SPAG16: variants seen among roughly 807,000 people sequenced by gnomAD.
The protein encoded by SPAG16 is sperm associated antigen 16, also known as sperm-associated antigen 16 protein.
A neutral mutation model predicts 80.4 loss-of-function variants in SPAG16; 86 were observed. The observed-to-expected ratio is 1.07, with a 90% CI of 0.90 to 1.28. The LOEUF (loss-of-function observed/expected upper bound fraction) is 1.28. Among genes scored for constraint, SPAG16 ranks in the 50% most tolerant of loss-of-function variants. The pLI, the probability that SPAG16 is intolerant of heterozygous loss-of-function variation, is 0.00. For synonymous variants in SPAG16, 294 were observed against 265.9 expected, an observed-to-expected ratio of 1.11 and a Z score of -1.03; for missense variants, 870 against 765.3, an observed-to-expected ratio of 1.14 and a Z score of -1.61.
At chr2:213,663,963 T>G (rs1253721246) in intron 10 of SPAG16, among the ~76,000 whole-genome samples, 1 of 152,104 alleles carries the variant, frequency 6.6e-6, no homozygotes, top group East Asian at 1.9e-4. Flanking sequence ...CAGCACAAAT[T>G]TATTATCTTA....
At chr2:214,119,733 C>T (rs539732994) in intron 14 of SPAG16, among the ~76,000 whole-genome samples, 133 of 152,022 alleles carry the variant, frequency 8.7e-4, no homozygotes, top group African/African-American at 3.1e-3. Flanking sequence ...CTTTTCTCTC[C>T]TTCCTGCAGG....
At position 214,149,096 on chromosome 2, in the gene SPAG16, T is replaced by TATATATATAC. The variant is rs3043764; in HGVS notation, c.1594-43_1594-42insTATATATACA. The TATATATATAC allele has an allele frequency of 5.2e-4, 390 of 749,996 alleles. 2 individuals are homozygous for TATATATATAC. The East Asian group carries it at 7.8e-3, about 15-fold the overall frequency. 46.5% of individuals were successfully genotyped at this position (749,996 alleles called of 1,614,324 possible). A position where few individuals can be genotyped will look rare whatever the true frequency, so the allele number is the denominator to read the frequency against. On this transcript the variant is annotated intron_variant, in intron 14 of 15. Coordinates refer to ENST00000331683, the MANE Select transcript of SPAG16 (RefSeq NM_024532.5). ...GTGTGTGTATATATATATATATATA[T>TATATATATAC]ACATACATACACATTTTATTTTTGT...
chr2:213,422,158 G>A, intron 9 of SPAG16: 1 of 700,048 alleles, frequency 1.4e-6, no homozygotes, highest in Non-Finnish European at 2.6e-6. Flanking sequence ...GGAGAGAAGA[G>A]CTGTGGCCCT....
At chr2:213,998,950 G>A (rs2046657917) in intron 12 of SPAG16, among the ~76,000 whole-genome samples, 1 of 152,172 alleles carries the variant, frequency 6.6e-6, no homozygotes, top group Non-Finnish European at 1.5e-5. Flanking sequence ...TAAAACTCAA[G>A]CGATGACTTG....
At chr2:213,442,777 C>A (rs1016025394) in intron 9 of SPAG16, among the ~76,000 whole-genome samples, 6 of 152,082 alleles carry the variant, frequency 3.9e-5, no homozygotes, top group Non-Finnish European at 8.8e-5. Flanking sequence ...AAATGGATCA[C>A]AGACTTAAAT....
intron 15 of SPAG16, among the ~76,000 whole-genome samples, chr2:214,228,109 T>C (rs1352233378): frequency 6.6e-6 from 1 of 151,984 alleles, no homozygotes; most frequent in African/African-American, 2.4e-5. Context: ...GCATTCCAAT[T>C]AGTAGAGTGG....
intron 12 of SPAG16, among the ~76,000 whole-genome samples, chr2:214,006,851 T>G (rs562696177): frequency 6.6e-6 from 1 of 152,354 alleles, no homozygotes; most frequent in Admixed American, 6.5e-5. Context: ...TCTTGAGCAG[T>G]ACTTTCTTCC....
intron 11 of SPAG16, among the ~76,000 whole-genome samples, chr2:213,909,283 G>C (rs1444520046): frequency 6.6e-6 from 1 of 152,000 alleles, no homozygotes; most frequent in African/African-American, 2.4e-5. Flanking sequence ...AATCAATATC[G>C]TGAAAATGGC....
intron 15 of SPAG16, among the ~76,000 whole-genome samples, chr2:214,253,917 G>T (rs1004756995): frequency 1.3e-5 from 2 of 151,786 alleles, no homozygotes; most frequent in Admixed American, 6.6e-5. Context: ...TCATGATATT[G>T]ATTCTTCGTA....
intron 11 of SPAG16, among the ~76,000 whole-genome samples, chr2:213,916,666 C>T (rs1462431380): frequency 6.6e-6 from 1 of 152,116 alleles, no homozygotes; most frequent in Non-Finnish European, 1.5e-5. Flanking sequence ...CCACCTGCTC[C>T]CCCCATGACA....
intron 12 of SPAG16, among the ~76,000 whole-genome samples, chr2:214,003,351 T>C (rs2046882863): frequency 6.6e-6 from 1 of 152,228 alleles, no homozygotes; most frequent in African/African-American, 2.4e-5. Flanking sequence ...TTTCTGCCTA[T>C]AGAGCATAAT....
At chr2:213,556,434 G>A (rs1450902912) in intron 10 of SPAG16, among the ~76,000 whole-genome samples, 1 of 150,616 alleles carries the variant, frequency 6.6e-6, no homozygotes, top group Non-Finnish European at 1.5e-5. Flanking sequence ...GAAACCAAAA[G>A]ATAGCGGGGA....
chr2:214,359,416 AC>A (rs913847305), intron 15 of SPAG16, among the ~76,000 whole-genome samples: 6 of 151,946 alleles, frequency 3.9e-5, no homozygotes, highest in African/African-American at 1.2e-4. Flanking sequence ...ACTTGACAAA[AC>A]AACAACAAAA....
intron 10 of SPAG16, among the ~76,000 whole-genome samples, chr2:213,590,468 C>T (rs1272005508): frequency 6.6e-6 from 1 of 151,512 alleles, no homozygotes; most frequent in Non-Finnish European, 1.5e-5. Flanking sequence ...AACAAATAAC[C>T]CCATTAAAAA....
At chr2:213,500,125 C>A (rs2074674348) in intron 10 of SPAG16, among the ~76,000 whole-genome samples, 1 of 152,266 alleles carries the variant, frequency 6.6e-6, no homozygotes, top group East Asian at 1.9e-4. Flanking sequence ...TCATATCATT[C>A]TCCATTTGGG....
Position 213,995,182 on chromosome 2 carries a change from C to T in SPAG16, c.1401-18769C>T, listed in dbSNP as rs574134110. 1.2e-4 allele frequency among the ~76,000 whole-genome samples: 19 copies of T among 152,170 alleles called. No homozygotes were observed. In the South Asian group the frequency reaches 3.3e-3, roughly 27 times the overall value. ...ACATAAGAATGATGAGGTGCAGAAG[C>T]CACTAAGTTTTAATGTGTGTTAAAA... is the stretch of plus-strand genomic sequence containing the variant. On this transcript the variant is annotated intron_variant, in intron 12 of 15. Coordinates refer to ENST00000331683, the MANE Select transcript of SPAG16 (RefSeq NM_024532.5).
At chr2:213,967,058 G>C (rs117269236) in intron 12 of SPAG16, among the ~76,000 whole-genome samples, 1 of 152,086 alleles carries the variant, frequency 6.6e-6, no homozygotes, top group Non-Finnish European at 1.5e-5. Context: ...GAATAACTTA[G>C]TTCAATCTAA....
chr2:213,382,572 A>G (rs2067227194), intron 9 of SPAG16, among the ~76,000 whole-genome samples: 1 of 152,218 alleles, frequency 6.6e-6, no homozygotes, highest in African/African-American at 2.4e-5. Context: ...TATCCTGGAC[A>G]TGTTGTAAAC....
At chr2:213,342,145 ATTC>A (rs1436027174) in intron 6 of SPAG16, among the ~76,000 whole-genome samples, 2 of 151,832 alleles carry the variant, frequency 1.3e-5, no homozygotes, top group African/African-American at 2.4e-5. Context: ...TTTCTTTAAA[ATTC>A]TTCAACCATC....
Sources: allele counts gnomAD v4.1 joint callset (sites outside exome capture counted in the v4.1 genomes callset), GRCh38; gene constraint gnomAD v4.1.1; transcripts MANE v1.5; gene names NCBI Gene and HGNC (gene_info 2026-07-23, HGNC 2026-07-21).